PTGER3: variants seen among roughly 807,000 people sequenced by gnomAD.
The protein encoded by PTGER3 is prostaglandin E receptor 3, also known as prostaglandin E2 receptor EP3 subtype.
In PTGER3, 22 loss-of-function variants were observed where a neutral mutation model predicts 34.7. That is an observed-to-expected ratio of 0.63 (90% CI 0.45 to 0.91). The LOEUF (loss-of-function observed/expected upper bound fraction) is 0.91, where lower values mean the gene tolerates loss of function less well. Among genes scored for constraint, PTGER3 ranks in the 40% least tolerant of loss-of-function variants. The probability of loss-of-function intolerance (pLI) is 0.00; values close to 1 mark genes in which losing one functional copy is unlikely to be tolerated. For missense variants in PTGER3, 468 were observed against 519.4 expected, an observed-to-expected ratio of 0.90 and a Z score of 0.96; for synonymous variants, 241 against 230.1, an observed-to-expected ratio of 1.05 and a Z score of -0.43.
chr1:70,862,301 T>C, intron 4 of PTGER3: 1 of 1,342,914 alleles, frequency 7.4e-7, no homozygotes, highest in Non-Finnish European at 1.0e-6. Flanking sequence ...AGATCATGAC[T>C]TACATCTGCT....
intron 2 of PTGER3, among the ~76,000 whole-genome samples, chr1:70,965,692 G>T (rs1652443973): frequency 6.6e-6 from 1 of 152,146 alleles, no homozygotes; most frequent in Non-Finnish European, 1.5e-5. Flanking sequence ...AGCAGCAAGT[G>T]TTTATGGAGC....
At chr1:70,966,317 A>G (rs1468315904), downstream of PTGER3, among the ~76,000 whole-genome samples, 2 of 152,184 alleles carry the variant, frequency 1.3e-5, no homozygotes, top group Non-Finnish European at 1.5e-5. Flanking sequence ...TGATGGGTTC[A>G]CCAAAATCTC....
At chr1:70,981,970 C>A (rs541950808) in intron 2 of PTGER3, among the ~76,000 whole-genome samples, 1 of 152,204 alleles carries the variant, frequency 6.6e-6, no homozygotes, top group Admixed American at 6.5e-5. Context: ...TATGCACAGA[C>A]TAATTTTCTT....
chr1:70,943,203 G>A (rs1649915290), intron 4 of PTGER3, among the ~76,000 whole-genome samples: 1 of 152,134 alleles, frequency 6.6e-6, no homozygotes, highest in Non-Finnish European at 1.5e-5. Context: ...AATATGTTTG[G>A]AAATTCATAA....
At chr1:70,933,808 G>C (rs1324595195) in intron 4 of PTGER3, among the ~76,000 whole-genome samples, 1 of 152,064 alleles carries the variant, frequency 6.6e-6, no homozygotes, top group Non-Finnish European at 1.5e-5. Context: ...CTTTGGAAGG[G>C]GTAATGGAAG....
Position 70,971,343 on chromosome 1 carries a change from A to G in PTGER3, c.*387T>C, listed in dbSNP as rs1401423282. ...AAGCTTATACTGATTTTTCAAACTCATATTGCAAAAGCAAGCTATCATGAA... is the reference window on the plus strand; with the variant it reads ...AAGCTTATACTGATTTTTCAAACTCGTATTGCAAAAGCAAGCTATCATGAA... On this transcript the variant is annotated 3_prime_UTR_variant, in exon 4 of 4. Transcript: ENST00000306666. The G allele has an allele frequency of 8.0e-6, 8 of 998,428 alleles. No homozygotes were observed. The highest frequency in any genetic ancestry group is 9.5e-6 in the Non-Finnish European group (8 of 838,948). 61.8% of individuals were successfully genotyped at this position (998,428 alleles called of 1,614,324 possible). A position where few individuals can be genotyped will look rare whatever the true frequency, so the allele number is the denominator to read the frequency against.
At chr1:70,997,336 A>T (rs1307672066) in intron 2 of PTGER3, 1 of 152,202 alleles carries the variant, frequency 6.6e-6, no homozygotes, top group East Asian at 1.9e-4. Context: ...TATGAAACTT[A>T]AAAATATATA....
chr1:70,855,083 G>A (rs2100436347), intron 4 of PTGER3, among the ~76,000 whole-genome samples: 1 of 152,268 alleles, frequency 6.6e-6, no homozygotes, highest in Non-Finnish European at 1.5e-5. Flanking sequence ...AATGTCCACT[G>A]ACATATAAAT....
chr1:71,037,204 G>A (rs1166461300), intron 1 of PTGER3, among the ~76,000 whole-genome samples: 5 of 152,120 alleles, frequency 3.3e-5, no homozygotes, highest in Non-Finnish European at 7.4e-5. Context: ...AGACCTATCC[G>A]ACTAGTTACA....
chr1:70,924,442 C>A (rs934051490), intron 4 of PTGER3, among the ~76,000 whole-genome samples: 17 of 152,222 alleles, frequency 1.1e-4, no homozygotes, highest in Admixed American at 9.8e-4. Context: ...GCTAACCCTG[C>A]TTATTCTTGT....
chr1:71,035,414 C>A (rs746958294), intron 1 of PTGER3, among the ~76,000 whole-genome samples: 1 of 152,170 alleles, frequency 6.6e-6, no homozygotes. Flanking sequence ...CAATATTTTC[C>A]GTGGTGCATC....
chr1:70,921,650 A>AT (rs201970955), intron 4 of PTGER3, among the ~76,000 whole-genome samples: 58 of 151,978 alleles, frequency 3.8e-4, no homozygotes, highest in African/African-American at 1.2e-3. Context: ...TCCCTAAAAA[A>AT]AAATAAATAA....
chr1:71,021,223 G>A (rs531963561), intron 1 of PTGER3, among the ~76,000 whole-genome samples: 34 of 152,164 alleles, frequency 2.2e-4, no homozygotes, highest in African/African-American at 8.2e-4. Context: ...ACTGGATATG[G>A]AAAATCAAAA....
chr1:70,905,638 A>G (rs889425696), intron 4 of PTGER3, among the ~76,000 whole-genome samples: 1 of 151,792 alleles, frequency 6.6e-6, no homozygotes, highest in Non-Finnish European at 1.5e-5. Flanking sequence ...AATTTGTTTC[A>G]TTGGGAGTGG....
At chr1:70,959,187 G>A (rs1306065738) in intron 2 of PTGER3, among the ~76,000 whole-genome samples, 1 of 152,054 alleles carries the variant, frequency 6.6e-6, no homozygotes, top group African/African-American at 2.4e-5. Flanking sequence ...TTTTAAAATT[G>A]TTTTTTCTAT....
At chr1:70,953,003 T>C (rs764458086) in exon 4 of PTGER3, 2 of 1,612,120 alleles carry the variant, frequency 1.2e-6, no homozygotes, top group Non-Finnish European at 1.7e-6. Flanking sequence ...AGGTTTGTAC[T>C]TGCCCACAAT....
At chr1:71,029,583 G>C (rs1458752700) in intron 1 of PTGER3, among the ~76,000 whole-genome samples, 1 of 152,142 alleles carries the variant, frequency 6.6e-6, no homozygotes, top group African/African-American at 2.4e-5. Context: ...GCATAATTAA[G>C]TATAAAGGTA....
In PTGER3 at chr1:70,860,676, C is replaced by T. The variant is rs781261052; in HGVS notation, c.*24-7817G>A. 4.8e-4 allele frequency among the ~76,000 whole-genome samples: 73 copies of T among 152,074 alleles called. 1 individual carries two copies. The highest frequency in any genetic ancestry group is 1.8e-4 in the Non-Finnish European group (12 of 68,016). On this transcript the variant is annotated intron_variant, in intron 4 of 4. Transcript: ENST00000370931. ...ATTGACTTCAATAGTCATCATTTCA[C>T]TTAAAGTTGCAGTTTTCAAGAACCT...
chr1:70,938,669 G>A (rs201707903), intron 4 of PTGER3, among the ~76,000 whole-genome samples: 169 of 152,068 alleles, frequency 1.1e-3, no homozygotes, highest in African/African-American at 3.8e-3. Flanking sequence ...ACATGGTGGC[G>A]GCAAGAGAAA....
Sources: gnomAD v4.1 joint callset for allele counts (sites outside exome capture counted in the v4.1 genomes callset) on GRCh38, gnomAD v4.1.1 for gene constraint, MANE v1.5 for transcripts, NCBI Gene and HGNC (gene_info 2026-07-23, HGNC 2026-07-21) for gene names.